GTF2IRD1: variants seen among roughly 807,000 people sequenced by gnomAD.
GTF2IRD1 encodes the protein general transcription factor II-I repeat domain-containing protein 1.
In GTF2IRD1, 26 loss-of-function variants were observed where a neutral mutation model predicts 113.2. The observed-to-expected ratio is 0.23, with a 90% CI of 0.17 to 0.32. GTF2IRD1 has a LOEUF of 0.32. Ranked by LOEUF, GTF2IRD1 falls within the 10% of genes least tolerant of loss-of-function variation. The pLI, the probability that GTF2IRD1 is intolerant of heterozygous loss-of-function variation, is 1.00. For missense variants in GTF2IRD1, 864 were observed against 1,280.8 expected (o/e 0.67, Z 4.97); for synonymous variants, 484 against 529.1 (o/e 0.91, Z 1.17).
intron 14 of GTF2IRD1, among the ~76,000 whole-genome samples, chr7:74,543,899 A>G (rs182743848): frequency 4.7e-5 from 7 of 149,932 alleles, no homozygotes; most frequent in African/African-American, 1.7e-4. Context: ...AAAAAAAACA[A>G]TTAGCTGGAT....
intron 1 of GTF2IRD1, among the ~76,000 whole-genome samples, chr7:74,486,531 C>T (rs527367660): frequency 6.6e-6 from 1 of 152,288 alleles, no homozygotes; most frequent in South Asian, 2.1e-4. Flanking sequence ...ACTGGTTAGA[C>T]TGTGTCTTGT....
chr7:74,517,001 T>TTTTGTTG (rs1554344715), intron 4 of GTF2IRD1, among the ~76,000 whole-genome samples: 2 of 90,182 alleles, frequency 2.2e-5, no homozygotes, highest in East Asian at 5.0e-4. Flanking sequence ...CTCTCCTGTC[T>TTTTGTTG]TTGTTGTTGT....
At chr7:74,571,082 T>G in intron 22 of GTF2IRD1, 3 of 985,012 alleles carry the variant, frequency 3.0e-6, no homozygotes, top group South Asian at 9.4e-5. Context: ...TTGAGGGGAC[T>G]GTGGGAAGGC....
intron 1 of GTF2IRD1, among the ~76,000 whole-genome samples, chr7:74,492,322 C>T (rs574217377): frequency 5.6e-4 from 86 of 152,222 alleles, no homozygotes; most frequent in South Asian, 2.1e-4. Flanking sequence ...AGGTGCCTGC[C>T]ACCACGCCTG....
intron 25 of GTF2IRD1, among the ~76,000 whole-genome samples, chr7:74,596,821 C>T (rs1802444479): frequency 6.6e-6 from 1 of 152,076 alleles, no homozygotes; most frequent in Non-Finnish European, 1.5e-5. Context: ...CAAGTACTAA[C>T]CAGGCCCGAC....
chr7:74,468,368 A>C (rs1793857298), intron 1 of GTF2IRD1, among the ~76,000 whole-genome samples: 1 of 151,810 alleles, frequency 6.6e-6, no homozygotes, highest in South Asian at 2.1e-4. Flanking sequence ...AAAAAAAAAA[A>C]AAAAACCCAG....
chr7:74,522,597 C>A (rs930989181), intron 7 of GTF2IRD1, among the ~76,000 whole-genome samples: 5 of 152,152 alleles, frequency 3.3e-5, no homozygotes, highest in Admixed American at 6.6e-5. Context: ...ACCCTCCCCC[C>A]CAACAACAAC....
chr7:74,571,860 CA>C (rs1218470340), intron 22 of GTF2IRD1, among the ~76,000 whole-genome samples: 61 of 144,266 alleles, frequency 4.2e-4, no homozygotes, highest in South Asian at 4.4e-4. Context: ...GACCTTGTCT[CA>C]AAAAAAAAAA....
chr7:74,512,212 C>G lies in GTF2IRD1; in HGVS notation c.124-618C>G, dbSNP rs1438237560. Among the ~76,000 whole-genome samples, 2 of 152,034 alleles carry G rather than the reference C, an allele frequency of 1.3e-5. No homozygotes were observed. The highest frequency in any genetic ancestry group is 1.5e-5 in the Non-Finnish European group (1 of 68,014). ...ACTTATAATACAAAAATTAGCAAGG[C>G]GTGGTGGCGGGCGCCTGTAGTCCCA... On this transcript the variant is annotated intron_variant, in intron 2 of 26. Transcript: ENST00000424337. The surrounding 1 kb of genome is among the most constrained non-coding windows in gnomAD (Gnocchi z 4.4).
At chr7:74,509,413 ATCCTGCCTAC>A (rs1796493191) in intron 2 of GTF2IRD1, among the ~76,000 whole-genome samples, 1 of 151,904 alleles carries the variant, frequency 6.6e-6, no homozygotes, top group African/African-American at 2.4e-5. Flanking sequence ...CATTCCTGTA[ATCCTGCCTAC>A]TCAGGAGGAT....
intron 25 of GTF2IRD1, among the ~76,000 whole-genome samples, chr7:74,600,158 G>A (rs372181910): frequency 1.3e-5 from 2 of 152,160 alleles, no homozygotes; most frequent in Non-Finnish European, 2.9e-5. Flanking sequence ...AGCCAGGCAC[G>A]GTGGCTCATG....
intron 1 of GTF2IRD1, among the ~76,000 whole-genome samples, chr7:74,465,915 G>A (rs1335770581): frequency 2.0e-5 from 3 of 152,088 alleles, no homozygotes; most frequent in South Asian, 2.1e-4. Flanking sequence ...GATCACGGGC[G>A]CCCGCCACCA....
rs76965632 is a variant in GTF2IRD1 at position 74,523,909 on chromosome 7, C to T, written c.1007-162C>T. Among the ~76,000 whole-genome samples, 141 of 152,154 alleles carry T rather than the reference C, an allele frequency of 9.3e-4. 2 individuals carry two copies. In the East Asian group the frequency reaches 0.021, roughly 23 times the overall value. On this transcript the variant is annotated intron_variant, in intron 7 of 26. Coordinates refer to ENST00000424337, the MANE Select transcript of GTF2IRD1 (RefSeq NM_005685.4). ...GGGCAGACGGGGGACCATCAGAGCA[C>T]CCTGAATTCGTGTATGGTCCGAGGT...
intron 14 of GTF2IRD1, among the ~76,000 whole-genome samples, chr7:74,542,939 C>T (rs1798712181): frequency 6.6e-6 from 1 of 152,226 alleles, no homozygotes; most frequent in Non-Finnish European, 1.5e-5. Context: ...CCCAAGGTCA[C>T]ACAGCCTTGG....
At chr7:74,585,070 G>A (rs1406832026) in intron 22 of GTF2IRD1, among the ~76,000 whole-genome samples, 2 of 151,146 alleles carry the variant, frequency 1.3e-5, no homozygotes, top group Non-Finnish European at 2.9e-5. Flanking sequence ...CCAAAGTGCT[G>A]GGATTACAGA....
intron 5 of GTF2IRD1, 36 bp from the exon 6 acceptor site, chr7:74,519,373 G>A: frequency 2.8e-6 from 4 of 1,435,280 alleles, no homozygotes; most frequent in African/African-American, 2.9e-5. Flanking sequence ...TGAAACAGAT[G>A]TACAAAGCTG....
At chr7:74,601,650 C>G in intron 26 of GTF2IRD1, 1 of 339,890 alleles carries the variant, frequency 2.9e-6, no homozygotes, top group Non-Finnish European at 5.4e-6. Flanking sequence ...GGCATAGTGG[C>G]TCATGCCTGT....
At chr7:74,558,824 C>T (rs782049933) in intron 20 of GTF2IRD1, 37 bp from the exon 21 acceptor site, 8 of 1,572,344 alleles carry the variant, frequency 5.1e-6, no homozygotes, top group Non-Finnish European at 6.9e-6. Flanking sequence ...CGCTGCCTCT[C>T]ACTCCTGACG....
chr7:74,454,827 C>T (rs1335469421), intron 1 of GTF2IRD1, among the ~76,000 whole-genome samples: 2 of 152,112 alleles, frequency 1.3e-5, no homozygotes, highest in Non-Finnish European at 2.9e-5. Flanking sequence ...TGGGGATACT[C>T]GGTCTGTGGG....
Sources: allele counts gnomAD v4.1 joint callset (sites outside exome capture counted in the v4.1 genomes callset), GRCh38; gene constraint gnomAD v4.1.1; non-coding constraint Gnocchi (gnomAD v3.1); transcripts MANE v1.5; gene names NCBI Gene and HGNC (gene_info 2026-07-23, HGNC 2026-07-21).